Variants in DOCK4 observed in about 807,000 individuals in gnomAD.
The protein encoded by DOCK4 is dedicator of cytokinesis protein 4.
DOCK4 carries 97 observed loss-of-function variants against 268.1 expected under a neutral mutation model. That is an observed-to-expected ratio of 0.36 (90% CI 0.31 to 0.43). The LOEUF (loss-of-function observed/expected upper bound fraction) is 0.43. DOCK4 is among the 20% of genes least tolerant of loss of function. The pLI, the probability that DOCK4 is intolerant of heterozygous loss-of-function variation, is 1.00. For missense variants in DOCK4, 2,145 were observed against 2,455.7 expected, an observed-to-expected ratio of 0.87 and a Z score of 2.67; for synonymous variants, 954 against 887.2, an observed-to-expected ratio of 1.08 and a Z score of -1.34.
At chr7:111,961,649 C>A (rs1796904156) in intron 8 of DOCK4, among the ~76,000 whole-genome samples, 1 of 152,218 alleles carries the variant, frequency 6.6e-6, no homozygotes, top group South Asian at 2.1e-4. Context: ...TATTTTAAGT[C>A]TGAATCAAGG....
chr7:111,931,718 A>T (rs532238676), intron 12 of DOCK4, among the ~76,000 whole-genome samples: 2 of 152,240 alleles, frequency 1.3e-5, no homozygotes, highest in African/African-American at 2.4e-5. Context: ...ATTTCGAGAC[A>T]ATGAAAACAG....
At position 112,206,086 on chromosome 7, in the gene DOCK4, C is replaced by T. The variant is rs1329038259; in HGVS notation, c.37+16G>A. The stretch of plus-strand genomic sequence containing the variant: ...CGGGCCAGAGCAGAATAAAAGTTCG[C>T]CCCGCGGAGACTCACCCACGCCGTA... On this transcript the variant is annotated intron_variant, in intron 1 of 52. Coordinates refer to ENST00000428084, the MANE Select transcript of DOCK4 (RefSeq NM_001363540.2). 2 of 1,573,872 alleles carry T rather than the reference C, an allele frequency of 1.3e-6. No individual in the cohort carries two copies. Among genetic ancestry groups the T allele is most frequent in the Non-Finnish European group, 1.7e-6 (2 of 1,159,258 alleles).
intron 1 of DOCK4, among the ~76,000 whole-genome samples, chr7:112,085,739 A>G (rs938556460): frequency 1.3e-5 from 2 of 152,280 alleles, no homozygotes; most frequent in Admixed American, 1.3e-4. Flanking sequence ...GGAAAGCTTG[A>G]TAGAGAACTT....
At chr7:111,934,595 C>A (rs1245705165) in intron 12 of DOCK4, among the ~76,000 whole-genome samples, 2 of 146,872 alleles carry the variant, frequency 1.4e-5, no homozygotes, top group Admixed American at 6.8e-5. Context: ...AGTGGCGCGA[C>A]CTTGGCTCAT....
intron 36 of DOCK4, among the ~76,000 whole-genome samples, chr7:111,771,524 C>G (rs542819939): frequency 5.8e-4 from 88 of 152,246 alleles, no homozygotes; most frequent in Middle Eastern, 3.4e-3. Context: ...AGACACAGAG[C>G]TGAATCACCA....
chr7:112,014,285 C>A (rs924265009), intron 1 of DOCK4, among the ~76,000 whole-genome samples: 5 of 152,118 alleles, frequency 3.3e-5, no homozygotes, highest in African/African-American at 1.2e-4. Context: ...GCATTTAATC[C>A]ATTTTATTAG....
At chr7:111,816,509 C>T (rs1801566971) in intron 27 of DOCK4, among the ~76,000 whole-genome samples, 1 of 152,230 alleles carries the variant, frequency 6.6e-6, no homozygotes, top group Non-Finnish European at 1.5e-5. Context: ...GGTCTTACCA[C>T]TACCTATGGC....
intron 1 of DOCK4, among the ~76,000 whole-genome samples, chr7:112,175,646 A>G (rs182180173): frequency 1.3e-5 from 2 of 152,320 alleles, no homozygotes; most frequent in East Asian, 1.9e-4. Context: ...GTTGTATACA[A>G]TTGATAAACA....
intron 1 of DOCK4, among the ~76,000 whole-genome samples, chr7:112,013,299 C>G (rs1801508609): frequency 1.3e-5 from 2 of 152,188 alleles, no homozygotes. Context: ...AAGTCAAAGT[C>G]TAAATTCTTA....
intron 1 of DOCK4, among the ~76,000 whole-genome samples, chr7:112,018,628 C>A (rs79816476): frequency 0.042 from 6,466 of 152,198 alleles, 294 homozygotes; most frequent in East Asian, 0.21. Context: ...TCTGGGTTGT[C>A]TTTGTTTGCC....
At chr7:112,041,673 G>A (rs762218133) in intron 1 of DOCK4, among the ~76,000 whole-genome samples, 1 of 152,096 alleles carries the variant, frequency 6.6e-6, no homozygotes, top group African/African-American at 2.4e-5. Context: ...AGACTTTTTA[G>A]TAAGTGGTTC....
At chr7:112,061,739 T>TCACACACACACACA (rs61696712) in intron 1 of DOCK4, among the ~76,000 whole-genome samples, 27 of 137,222 alleles carry the variant, frequency 2.0e-4, no homozygotes, top group African/African-American at 5.5e-4. Flanking sequence ...ATTAACAATG[T>TCACACACACACACA]CACACACACA....
At chr7:111,844,162 C>T (rs1803908524) in intron 25 of DOCK4, among the ~76,000 whole-genome samples, 1 of 152,140 alleles carries the variant, frequency 6.6e-6, no homozygotes, top group African/African-American at 2.4e-5. Context: ...GTAATCCCAG[C>T]TACTCAAGAG....
At chr7:111,897,132 C>T (rs1428488717) in intron 15 of DOCK4, among the ~76,000 whole-genome samples, 1 of 152,098 alleles carries the variant, frequency 6.6e-6, no homozygotes, top group East Asian at 1.9e-4. Context: ...CATTACTCCC[C>T]CTTTTCCCCC....
intron 1 of DOCK4, among the ~76,000 whole-genome samples, chr7:112,205,589 C>T (rs1821334992): frequency 6.6e-6 from 1 of 152,186 alleles, no homozygotes; most frequent in South Asian, 2.1e-4. Flanking sequence ...ACATTCCACA[C>T]TCCGGGAATG....
chr7:112,031,356 G>C (rs1209743326), intron 1 of DOCK4, among the ~76,000 whole-genome samples: 1 of 152,158 alleles, frequency 6.6e-6, no homozygotes, highest in Admixed American at 6.5e-5. Flanking sequence ...GACACCAAAG[G>C]CTTTTGTTGT....
At chr7:111,795,565 G>T (rs1799835084) in intron 30 of DOCK4, among the ~76,000 whole-genome samples, 1 of 152,174 alleles carries the variant, frequency 6.6e-6, no homozygotes, top group Admixed American at 6.5e-5. Flanking sequence ...TCTTGAAAAT[G>T]ATCATGCCTG....
chr7:111,802,247 G>C (rs144521037), intron 30 of DOCK4, among the ~76,000 whole-genome samples: 1 of 152,060 alleles, frequency 6.6e-6, no homozygotes, highest in Admixed American at 6.6e-5. Flanking sequence ...GAAATTGAGT[G>C]GGGGGAAAGA....
intron 51 of DOCK4, among the ~76,000 whole-genome samples, chr7:111,734,368 G>A (rs540543616): frequency 3.3e-5 from 5 of 152,158 alleles, no homozygotes; most frequent in Admixed American, 3.3e-4. Flanking sequence ...TATATTTTTT[G>A]TAGAGACGGG....
Sources: allele counts gnomAD v4.1 joint callset (sites outside exome capture counted in the v4.1 genomes callset), GRCh38; gene constraint gnomAD v4.1.1; transcripts MANE v1.5; gene names NCBI Gene and HGNC (gene_info 2026-07-23, HGNC 2026-07-21).